The following WAC variants were observed in gnomAD, a reference collection of about 807,000 sequenced individuals.
The protein encoded by WAC is WW domain-containing adapter protein with coiled-coil.
A neutral mutation model predicts 79.6 loss-of-function variants in WAC; 11 were observed. The observed-to-expected ratio is 0.14, with a 90% CI of 0.09 to 0.23. WAC has a LOEUF of 0.23. Ranked by LOEUF, WAC falls within the 10% of genes least tolerant of loss-of-function variation. WAC has a pLI of 1.00. For synonymous variants in WAC, 304 were observed against 276.9 expected (o/e 1.10, Z -0.97); for missense variants, 728 against 773.5 (o/e 0.94, Z 0.70).
At chr10:28,596,205 G>C (rs1186789767) in intron 7 of WAC, among the ~76,000 whole-genome samples, 164 bp downstream of exon 7, 1 of 151,734 alleles carries the variant, frequency 6.6e-6, no homozygotes, top group Non-Finnish European at 1.5e-5. Flanking sequence ...GCAATATTTA[G>C]CTTTTTTCTT....
intron 3 of WAC, among the ~76,000 whole-genome samples, chr10:28,562,577 T>C (rs1382951500): frequency 1.3e-5 from 2 of 152,226 alleles, no homozygotes; most frequent in Non-Finnish European, 1.5e-5. Flanking sequence ...GTAAGTGTTA[T>C]TAATGTTTCT....
At chr10:28,533,972 C>G (rs772345155) in intron 1 of WAC, 26 bp from the exon 2 acceptor site, 7 of 1,605,386 alleles carry the variant, frequency 4.4e-6, no homozygotes, top group South Asian at 1.1e-5. Context: ...TGTCTTATGT[C>G]GCTGCCTTCT....
intron 6 of WAC, chr10:28,591,779 T>C (rs905660651): frequency 4.0e-5 from 6 of 148,854 alleles, no homozygotes; most frequent in African/African-American, 1.5e-4. Context: ...CCCTGGCATT[T>C]GGCTATGATC....
Position 28,581,401 on chromosome 10 carries a change from C to A in WAC, c.275-1998C>A, listed in dbSNP as rs1349029124. On this transcript the variant is annotated intron_variant, in intron 3 of 13. Coordinates refer to ENST00000354911, the MANE Select transcript of WAC (RefSeq NM_016628.5). ...GCCTGGCCTCAGTGAGCACCTCTTT[C>A]ACCTCTTTATCAGTTAGGGTTGTGA... Among the ~76,000 whole-genome samples the A allele has an allele frequency of 3.3e-5, 5 of 151,712 alleles. 1 individual carries two copies. Among genetic ancestry groups the A allele is most frequent in the Non-Finnish European group, 7.4e-5 (5 of 67,934 alleles).
chr10:28,573,168 ATC>A (rs1393089788), intron 3 of WAC, among the ~76,000 whole-genome samples: 1 of 151,678 alleles, frequency 6.6e-6, no homozygotes, highest in Non-Finnish European at 1.5e-5. Flanking sequence ...TAGAGACAGA[ATC>A]TCTCCCTATA....
At chr10:28,538,732 A>G (rs1047085443) in intron 3 of WAC, among the ~76,000 whole-genome samples, 2 of 151,514 alleles carry the variant, frequency 1.3e-5, no homozygotes, top group Non-Finnish European at 2.9e-5. Context: ...TCTACTAAAA[A>G]AAAAAAAAAT....
Position 28,619,545 on chromosome 10 carries a change from T to A in WAC, c.1883T>A (p.Phe628Tyr). Reference protein sequence around the residue: ...QATLREQRILFLRQQIKELEK... With the variant: ...QATLREQRILYLRQQIKELEK... The stretch of plus-strand genomic sequence containing the variant: ...CTGCTTTTTTTTTTCAGGATACTAT[T>A]TTTGAGACAACAAATTAAGGAACTT... Residue 628 changes from phenylalanine to tyrosine, a missense_variant, in exon 14 of 14, where the codon TTT becomes TAT. Physicochemically the swap from Phe to Tyr is conservative, Grantham distance 22. Around this residue, in one of 3 missense-constraint regions of WAC, gnomAD observed 66 missense variants for 78.9 expected, o/e 0.84. Transcript: ENST00000354911. 2 of 1,583,328 alleles carry A rather than the reference T, an allele frequency of 1.3e-6. No individual in the cohort carries two copies. Among genetic ancestry groups the A allele is most frequent in the Non-Finnish European group, 1.7e-6 (2 of 1,171,490 alleles).
chr10:28,622,845 ACT>A lies in WAC; in HGVS notation c.*3242_*3243del, dbSNP rs953547128. ...GAGAGGGCAACGCGGGAAATAATTC[ACT>A]CTGCGCACCGGAACTATTGTAGTTC... On this transcript the variant is annotated 3_prime_UTR_variant, in exon 14 of 14. Coordinates refer to ENST00000354911, the MANE Select transcript of WAC (RefSeq NM_016628.5). The A allele has an allele frequency of 2.0e-5, 3 of 151,898 alleles. No homozygotes were observed. The highest frequency in any genetic ancestry group is 6.6e-5 in the Admixed American group (1 of 15,240). The allele number at this position is 151,898 out of a possible 1,614,324, so 9.4% of individuals were successfully genotyped here.
At chr10:28,575,784 C>A (rs1267617186) in intron 3 of WAC, among the ~76,000 whole-genome samples, 1 of 152,142 alleles carries the variant, frequency 6.6e-6, no homozygotes, top group Non-Finnish European at 1.5e-5. Context: ...CTGGTAGTGT[C>A]TTTTCAAACA....
intron 3 of WAC, among the ~76,000 whole-genome samples, chr10:28,568,034 G>T (rs1266488682): frequency 6.6e-6 from 1 of 152,154 alleles, no homozygotes; most frequent in African/African-American, 2.4e-5. Context: ...CACCTCGCCC[G>T]GCCTCAGTAT....
intron 5 of WAC, among the ~76,000 whole-genome samples, chr10:28,590,443 T>C (rs1244098562): frequency 2.6e-5 from 4 of 152,196 alleles, no homozygotes; most frequent in African/African-American, 7.2e-5. Context: ...TTTAATAGTT[T>C]AATAAGGCCG....
At position 28,606,058 on chromosome 10, in the gene WAC, T is replaced by G. The variant is rs868762969; in HGVS notation, c.920-2128T>G. Among the ~76,000 whole-genome samples the G allele has an allele frequency of 7.1e-3, 1,064 of 149,520 alleles. 19 individuals carry two copies. The highest frequency in any genetic ancestry group is 0.025 in the African/African-American group (1,023 of 40,990). On this transcript the variant is annotated intron_variant, in intron 7 of 13. Coordinates refer to ENST00000354911, the MANE Select transcript of WAC (RefSeq NM_016628.5). ...AATAGCTGACAGCAGTTTTTTGGTT[T>G]TTTTTTTTTTTAGACAGGGCCTCAC...
At chr10:28,572,964 A>C in intron 3 of WAC, among the ~76,000 whole-genome samples, 1 of 152,182 alleles carries the variant, frequency 6.6e-6, no homozygotes, top group Non-Finnish European at 1.5e-5. Context: ...GTCAGGCAAT[A>C]TCTTATTTGA....
chr10:28,541,639 C>T (rs899884049), intron 3 of WAC, among the ~76,000 whole-genome samples: 1 of 151,926 alleles, frequency 6.6e-6, no homozygotes, highest in Non-Finnish European at 1.5e-5. Context: ...TGTTTCTCAT[C>T]TGACTCCACA....
intron 11 of WAC, 112 bp downstream of exon 11, chr10:28,614,797 C>A (rs1253023058): frequency 4.5e-6 from 4 of 885,398 alleles, no homozygotes; most frequent in Admixed American, 4.8e-5. Context: ...TCCATGAATA[C>A]CCTAAAGTAG....
chr10:28,619,641 G>A lies in WAC; in HGVS notation c.*35G>A. On this transcript the variant is annotated 3_prime_UTR_variant, in exon 14 of 14. Coordinates refer to ENST00000354911, the MANE Select transcript of WAC (RefSeq NM_016628.5). ...TAATTGCACATGGTTTTGAGAACAGGAACTGTAAATCTGTTGCCCAATCTT... is the reference window on the plus strand; with the variant it reads ...TAATTGCACATGGTTTTGAGAACAGAAACTGTAAATCTGTTGCCCAATCTT... The A allele has an allele frequency of 6.5e-7, 1 of 1,534,520 alleles. No individual in the cohort carries two copies. The highest frequency in any genetic ancestry group is 8.8e-7 in the Non-Finnish European group (1 of 1,142,712).
intron 3 of WAC, among the ~76,000 whole-genome samples, chr10:28,552,791 G>A (rs1442570935): frequency 6.9e-6 from 1 of 145,688 alleles, no homozygotes; most frequent in African/African-American, 2.5e-5. Context: ...TCTGGATGTT[G>A]TCGTTTTTAT....
In WAC at chr10:28,590,700, A is replaced by C. The variant is rs748252340; in HGVS notation, c.498-20A>C. The C allele has an allele frequency of 2.1e-5, 32 of 1,549,810 alleles. No individual in the cohort carries two copies. The highest frequency in any genetic ancestry group is 2.7e-5 in the Non-Finnish European group (31 of 1,146,934). On this transcript the variant is annotated intron_variant, in intron 5 of 13. Coordinates refer to ENST00000354911, the MANE Select transcript of WAC (RefSeq NM_016628.5). ...CCCTTAATGTAATTTTTATATGTTTATCTTTTTTTTTATTTTTAGAGAACA... is the reference window on the plus strand; with the variant it reads ...CCCTTAATGTAATTTTTATATGTTTCTCTTTTTTTTTATTTTTAGAGAACA...
intron 1 of WAC, 114 bp from the exon 2 acceptor site, chr10:28,533,884 G>C: frequency 7.4e-7 from 1 of 1,345,242 alleles, no homozygotes; most frequent in Non-Finnish European, 1.0e-6. Flanking sequence ...GCTCGGCGCT[G>C]GGGCGCTCGG....
Sources: allele counts gnomAD v4.1 joint callset (sites outside exome capture counted in the v4.1 genomes callset), GRCh38; gene constraint gnomAD v4.1.1; regional missense constraint gnomAD v4.1.1; transcripts MANE v1.5; gene names NCBI Gene and HGNC (gene_info 2026-07-23, HGNC 2026-07-21).